Variants in COL20A1 observed in about 807,000 individuals in gnomAD.
COL20A1 encodes collagen alpha-1(XX) chain.
COL20A1 carries 164 observed loss-of-function variants against 152.9 expected under a neutral mutation model. The ratio of observed to expected loss-of-function variants is 1.07; its 90% CI spans 0.94 to 1.22. The LOEUF is 1.22. Ranked by LOEUF, COL20A1 falls within the 50% of genes most tolerant of loss-of-function variation. The pLI is 0.00. For synonymous variants in COL20A1, 864 were observed against 756.0 expected (o/e 1.14, Z -2.34); for missense variants, 1,873 against 1,744.8 (o/e 1.07, Z -1.31).
At chr20:63,297,732 C>G (rs2067816450) in intron 2 of COL20A1, among the ~76,000 whole-genome samples, 178 bp from the exon 3 acceptor site, 1 of 152,236 alleles carries the variant, frequency 6.6e-6, no homozygotes, top group African/African-American at 2.4e-5. Flanking sequence ...GGCCTCGTAT[C>G]CCCAAGTGGG....
Position 63,313,197 on chromosome 20 carries a change from C to T in COL20A1, c.2157C>T (p.Ala719=). 2 of 1,612,590 alleles carry T rather than the reference C, an allele frequency of 1.2e-6. No homozygotes were observed. The highest frequency in any genetic ancestry group is 1.7e-6 in the Non-Finnish European group (2 of 1,179,728). Residue 719 remains alanine, a synonymous_variant, in exon 17 of 36, where the codon GCC becomes GCT. Coordinates refer to ENST00000358894, the MANE Select transcript of COL20A1 (RefSeq NM_020882.4). The surrounding 1 kb of genome is among the most constrained non-coding windows in gnomAD (Gnocchi z 5.9). ...CAGAGTACGACGTCACCATCTTGGC[C>T]TACTACAGGGACGGGGCCCGCAGTG... ...RHTEYDVTIL[A]YYRDGARSDP...
At chr20:63,294,966 CAT>C (rs775542659) in intron 1 of COL20A1, 130 bp from the exon 2 acceptor site, 24 of 620,688 alleles carry the variant, frequency 3.9e-5, no homozygotes, top group Admixed American at 2.3e-4. Flanking sequence ...GGTCCTCACA[CAT>C]GTGAGGGGTG....
intron 9 of COL20A1, 124 bp downstream of exon 9, chr20:63,309,621 C>A: frequency 8.2e-7 from 1 of 1,216,028 alleles, no homozygotes; most frequent in South Asian, 1.6e-5. Flanking sequence ...AGGGGGTCTG[C>A]AGCACCCCCT....
Position 63,319,614 on chromosome 20 carries a change from G to C in COL20A1, c.2916+18G>C. On this transcript the variant is annotated intron_variant, in intron 23 of 35. Coordinates refer to ENST00000358894, the MANE Select transcript of COL20A1 (RefSeq NM_020882.4). The surrounding 1 kb of genome is among the most constrained non-coding windows in gnomAD (Gnocchi z 4.4). The stretch of plus-strand genomic sequence containing the variant: ...TCCACAAGGTCCTGGTGCAGCTCGC[G>C]CCCCTCTCCCCCGTTCCCCCAGCTC... 4 of 1,527,708 alleles carry C rather than the reference G, an allele frequency of 2.6e-6. No homozygotes were observed. Among genetic ancestry groups the C allele is most frequent in the Non-Finnish European group, 3.6e-6 (4 of 1,125,266 alleles). The allele number at this position is 1,527,708 out of a possible 1,614,324, so 94.6% of individuals were successfully genotyped here. A position where few individuals can be genotyped will look rare whatever the true frequency, so the allele number is the denominator to read the frequency against.
rs2068126320 is a variant in COL20A1 at position 63,319,308 on chromosome 20, C to A, written c.2806+108C>A. The A allele has an allele frequency of 7.8e-7, 1 of 1,280,350 alleles. No homozygotes were observed. The highest frequency in any genetic ancestry group is 1.1e-6 in the Non-Finnish European group (1 of 931,886). 79.3% of individuals were successfully genotyped at this position (1,280,350 alleles called of 1,614,324 possible). On this transcript the variant is annotated intron_variant, in intron 22 of 35. Coordinates refer to ENST00000358894, the MANE Select transcript of COL20A1 (RefSeq NM_020882.4). The surrounding 1 kb of genome is among the most constrained non-coding windows in gnomAD (Gnocchi z 4.4). ...AAGTCCAGCCTCCAGGCCAGGCCCT[C>A]AGCACCCTCTGGGTGGGAGGCAGGT...
intron 27 of COL20A1, chr20:63,324,252 G>A (rs1202234332): frequency 6.6e-6 from 1 of 152,176 alleles, no homozygotes; most frequent in African/African-American, 2.4e-5. Flanking sequence ...GGTTTACAGT[G>A]ACATCACCTG....
At chr20:63,295,751 T>C (rs2067784181) in intron 2 of COL20A1, among the ~76,000 whole-genome samples, 2 of 152,244 alleles carry the variant, frequency 1.3e-5, no homozygotes, top group Admixed American at 6.5e-5. Context: ...TGCTGTGGGC[T>C]CACCTGTCTG....
At position 63,311,728 on chromosome 20, in the gene COL20A1, G is replaced by C; in HGVS notation, c.1643G>C (p.Arg548Pro). Residue 548 changes from arginine to proline, a missense_variant, in exon 13 of 36, where the codon CGG becomes CCG. Transcript: ENST00000358894. This position sits in a 1 kb window ranked among gnomAD's most constrained non-coding sequence, Gnocchi z 4.4. The part of the protein sequence containing the change: ...SLRGPEGSEA[R>P]GIRARTPTLA... ...CGAGGCCCTGAGGGCAGCGAGGCCC[G>C]GGGCATCCGTGCCAGGACCCGTGAG... 1 of 1,596,142 alleles carries C rather than the reference G, an allele frequency of 6.3e-7. No individual in the cohort carries two copies. The highest frequency in any genetic ancestry group is 8.5e-7 in the Non-Finnish European group (1 of 1,175,546).
In COL20A1 at chr20:63,319,725, C is replaced by T. The variant is rs540791936; in HGVS notation, c.2916+129C>T. On this transcript the variant is annotated intron_variant, in intron 23 of 35. Coordinates refer to ENST00000358894, the MANE Select transcript of COL20A1 (RefSeq NM_020882.4). This position sits in a 1 kb window ranked among gnomAD's most constrained non-coding sequence, Gnocchi z 4.4. ...GACCTTCCTTGGGAGGGAACATTGA[C>T]CTGGGGCTCTGTTCCTCTACCCCAG... 7 of 648,686 alleles carry T rather than the reference C, an allele frequency of 1.1e-5. No individual in the cohort carries two copies. The highest frequency in any genetic ancestry group is 5.4e-5 in the African/African-American group (3 of 55,052). The allele number at this position is 648,686 out of a possible 1,614,324, so 40.2% of individuals were successfully genotyped here. A position where few individuals can be genotyped will look rare whatever the true frequency, so the allele number is the denominator to read the frequency against.
intron 1 of COL20A1, 65 bp downstream of exon 1, chr20:63,293,340 C>G (rs748182469): frequency 1.3e-5 from 2 of 152,152 alleles, no homozygotes; most frequent in African/African-American, 4.8e-5. Context: ...TCCACTCAGC[C>G]TGTGATCTGA....
Position 63,307,596 on chromosome 20 carries a change from C to G in COL20A1, c.603C>G (p.Phe201Leu). 6.2e-7 allele frequency: 1 copy of G among 1,612,654 alleles called. No homozygotes were observed. The highest frequency in any genetic ancestry group is 1.1e-5 in the South Asian group (1 of 91,078). Residue 201 changes from phenylalanine to leucine, a missense_variant, in exon 6 of 36, where the codon TTC becomes TTG. Coordinates refer to ENST00000358894, the MANE Select transcript of COL20A1 (RefSeq NM_020882.4). ...GTCACTTCCAGCAGGTCAAGGACTT[C>G]CTGGCCAGTGTCATCGCACCCTTTG... ...GHSHFQQVKD[F>L]LASVIAPFEI...
chr20:63,325,962 C>T, intron 29 of COL20A1, 134 bp from the exon 30 acceptor site: 2 of 828,488 alleles, frequency 2.4e-6, no homozygotes, highest in East Asian at 2.6e-5. Context: ...TGGGTAGGAG[C>T]CTGGCAGCCT....
chr20:63,311,561 CG>C lies in COL20A1; in HGVS notation c.1539+27del. The C allele has an allele frequency of 6.3e-7, 1 of 1,589,312 alleles. No homozygotes were observed. On this transcript the variant is annotated intron_variant, in intron 12 of 35. Coordinates refer to ENST00000358894, the MANE Select transcript of COL20A1 (RefSeq NM_020882.4). This position sits in a 1 kb window ranked among gnomAD's most constrained non-coding sequence, Gnocchi z 4.4. ...AGAGGTGAGCTGGGCCGGGGGGTGG[CG>C]GGGGAGGCAGAGGAGTGGGGCAGAG...
chr20:63,319,292 C>T lies in COL20A1; in HGVS notation c.2806+92C>T. ...GGGAGGCCTTCAGAGGAAGTCCAGC[C>T]TCCAGGCCAGGCCCTCAGCACCCTC... On this transcript the variant is annotated intron_variant, in intron 22 of 35. Coordinates refer to ENST00000358894, the MANE Select transcript of COL20A1 (RefSeq NM_020882.4). The surrounding 1 kb of genome is among the most constrained non-coding windows in gnomAD (Gnocchi z 4.4). 4.3e-6 allele frequency: 6 copies of T among 1,393,216 alleles called. No individual in the cohort carries two copies. The highest frequency in any genetic ancestry group is 5.9e-6 in the Non-Finnish European group (6 of 1,024,680). 86.3% of individuals were successfully genotyped at this position (1,393,216 alleles called of 1,614,324 possible). A position where few individuals can be genotyped will look rare whatever the true frequency, so the allele number is the denominator to read the frequency against.
chr20:63,314,857 A>C (rs867794826), intron 19 of COL20A1, among the ~76,000 whole-genome samples: 1,309 of 32,946 alleles, frequency 0.04, 1 homozygote, highest in Admixed American at 0.046. Context: ...ATCTCCCTGG[A>C]CCCCAGGACA....
intron 31 of COL20A1, 129 bp downstream of exon 31, chr20:63,326,952 C>T: frequency 1.7e-6 from 1 of 581,304 alleles, no homozygotes; most frequent in Non-Finnish European, 2.8e-6. Flanking sequence ...CTAGGGACTT[C>T]CTGTTGACAG....
At chr20:63,310,008 A>G in intron 10 of COL20A1, 93 bp downstream of exon 10, 5 of 1,173,350 alleles carry the variant, frequency 4.3e-6, no homozygotes, top group Non-Finnish European at 6.0e-6. Context: ...AAGGCCCACA[A>G]ATAACTGGGT....
chr20:63,309,713 G>A (rs372246087), intron 9 of COL20A1, 45 bp from the exon 10 acceptor site: 5 of 1,492,608 alleles, frequency 3.3e-6, no homozygotes, highest in Non-Finnish European at 4.5e-6. Flanking sequence ...GGACACAGCT[G>A]CCCGTGCAGT....
chr20:63,308,129 G>A lies in COL20A1; in HGVS notation c.775+39G>A, dbSNP rs750069072. 47 of 1,582,974 alleles carry A rather than the reference G, an allele frequency of 3.0e-5. No homozygotes were observed. In the East Asian group the frequency reaches 3.8e-4, roughly 13 times the overall value. On this transcript the variant is annotated intron_variant, in intron 7 of 35. Transcript: ENST00000358894. ...CTGCCCCTCCCTCTGTCCTGAGGGC[G>A]GACCTCCTTCTGCCGCCCTCCCAGA...
Sources: allele counts gnomAD v4.1 joint callset (sites outside exome capture counted in the v4.1 genomes callset), GRCh38; gene constraint gnomAD v4.1.1; non-coding constraint Gnocchi (gnomAD v3.1); transcripts MANE v1.5; gene names NCBI Gene and HGNC (gene_info 2026-07-23, HGNC 2026-07-21).